The following CSMD1 variants were observed in gnomAD, a reference collection of about 807,000 sequenced individuals.
CSMD1 encodes the protein CUB and Sushi multiple domains 1.
A neutral mutation model predicts 417.5 loss-of-function variants in CSMD1; 213 were observed. The ratio of observed to expected loss-of-function variants is 0.51; its 90% confidence interval spans 0.46 to 0.57. The LOEUF (loss-of-function observed/expected upper bound fraction) is 0.57, where lower values mean the gene tolerates loss of function less well. Among genes scored for constraint, CSMD1 ranks in the 20% least tolerant of loss-of-function variants. The probability of loss-of-function intolerance (pLI) is 0.00; values close to 1 mark genes in which losing one functional copy is unlikely to be tolerated. For missense variants in CSMD1, 6,923 were observed against 4,529.7 expected, an observed-to-expected ratio of 1.53 and a Z score of -15.17; for synonymous variants, 2,862 against 1,736.8, an observed-to-expected ratio of 1.65 and a Z score of -16.11.
intron 3 of CSMD1, among the ~76,000 whole-genome samples, chr8:4,047,047 C>A (rs1430696302): frequency 1.3e-5 from 2 of 152,104 alleles, no homozygotes; most frequent in Non-Finnish European, 2.9e-5. Flanking sequence ...CACCTGGAGT[C>A]CAAATGAATA....
chr8:4,710,646 C>T (rs1808228020), intron 1 of CSMD1, among the ~76,000 whole-genome samples: 2 of 151,154 alleles, frequency 1.3e-5, no homozygotes, highest in African/African-American at 2.4e-5. Flanking sequence ...GAGATGGAGA[C>T]CACCCTGGCT....
intron 5 of CSMD1, among the ~76,000 whole-genome samples, chr8:3,972,975 T>C (rs1355375563): frequency 1.3e-5 from 2 of 152,242 alleles, no homozygotes; most frequent in East Asian, 3.8e-4. Context: ...AATACTTATG[T>C]GGAAAAACAT....
In CSMD1 at chr8:4,140,373, C is replaced by T. The variant is rs545638166; in HGVS notation, c.416-108274G>A. Among the ~76,000 whole-genome samples, 337 of 151,074 alleles carry T rather than the reference C, an allele frequency of 2.2e-3. 3 individuals carry two copies. Among genetic ancestry groups the T allele is most frequent in the Non-Finnish European group, 3.8e-3 (260 of 68,018 alleles). On this transcript the variant is annotated intron_variant, in intron 3 of 69. Coordinates refer to ENST00000635120, the MANE Select transcript of CSMD1 (RefSeq NM_033225.6). ...ATTAGCTGGGAATGGTGGCACATGC[C>T]TGTAATCCCAGCTACTTCGGAGCCT...
intron 5 of CSMD1, among the ~76,000 whole-genome samples, chr8:3,900,499 G>A (rs1056290018): frequency 1.3e-5 from 2 of 151,656 alleles, no homozygotes; most frequent in African/African-American, 2.4e-5. Context: ...GTGTAGCTGG[G>A]TGACAGTAGA....
At chr8:4,534,652 G>A (rs1797008538) in intron 2 of CSMD1, among the ~76,000 whole-genome samples, 1 of 152,042 alleles carries the variant, frequency 6.6e-6, no homozygotes. Context: ...TGTGTGCTCA[G>A]TGTTTAGTTC....
intron 2 of CSMD1, among the ~76,000 whole-genome samples, chr8:4,583,222 C>T (rs1013007847): frequency 7.9e-5 from 12 of 152,234 alleles, no homozygotes; most frequent in Non-Finnish European, 1.8e-4. Flanking sequence ...GGGCACACGG[C>T]ACAGGGACTG....
At chr8:3,725,050 G>A (rs1034397651) in intron 6 of CSMD1, among the ~76,000 whole-genome samples, 5 of 152,160 alleles carry the variant, frequency 3.3e-5, no homozygotes, top group Non-Finnish European at 5.9e-5. Context: ...CTCTCCAGAC[G>A]ACTAGAGGAG....
intron 3 of CSMD1, among the ~76,000 whole-genome samples, chr8:4,246,162 C>T (rs571708291): frequency 6.6e-6 from 1 of 152,036 alleles, no homozygotes; most frequent in Non-Finnish European, 1.5e-5. Context: ...TTCCTGATCC[C>T]CTCTTTCTTC....
chr8:3,138,372 G>C (rs1405820779), intron 41 of CSMD1, among the ~76,000 whole-genome samples: 1 of 152,144 alleles, frequency 6.6e-6, no homozygotes, highest in Non-Finnish European at 1.5e-5. Flanking sequence ...ACTAAATTTT[G>C]GCTCTTCAGG....
intron 5 of CSMD1, among the ~76,000 whole-genome samples, chr8:3,911,242 C>T (rs1808442164): frequency 1.3e-5 from 2 of 152,110 alleles, no homozygotes; most frequent in African/African-American, 4.8e-5. Flanking sequence ...AAAATCAAAT[C>T]ACATCATTCT....
rs181600389 is a variant in CSMD1, at chr8:3,720,947, C to T, written c.932-12456G>A. ...TCTCCTGCCTCAGCCTCCCAACTAGCTGGGATTACAGGCACCCACCACTAC... is the reference window on the plus strand; with the variant it reads ...TCTCCTGCCTCAGCCTCCCAACTAGTTGGGATTACAGGCACCCACCACTAC... On this transcript the variant is annotated intron_variant, in intron 6 of 69. Transcript: ENST00000635120. 6.7e-3 allele frequency among the ~76,000 whole-genome samples: 1,025 copies of T among 152,132 alleles called. 6 individuals carry two copies. Among genetic ancestry groups the T allele is most frequent in the Non-Finnish European group, 0.011 (734 of 68,012 alleles).
intron 3 of CSMD1, among the ~76,000 whole-genome samples, chr8:4,073,885 C>A (rs1202335019): frequency 6.6e-6 from 1 of 152,058 alleles, no homozygotes; most frequent in Non-Finnish European, 1.5e-5. Context: ...AATAACTAGT[C>A]TACAGCTATA....
At chr8:3,694,484 A>G (rs1316390876) in intron 7 of CSMD1, among the ~76,000 whole-genome samples, 1 of 152,094 alleles carries the variant, frequency 6.6e-6, no homozygotes, top group East Asian at 1.9e-4. Context: ...CGAAAACACC[A>G]TCTGGGAAAG....
At chr8:3,706,033 G>C (rs75227465) in intron 7 of CSMD1, among the ~76,000 whole-genome samples, 1 of 152,200 alleles carries the variant, frequency 6.6e-6, no homozygotes, top group Non-Finnish European at 1.5e-5. Context: ...AAGAGGAAAC[G>C]GGGCTCATGG....
At chr8:3,614,826 T>G (rs1323616233) in intron 8 of CSMD1, among the ~76,000 whole-genome samples, 1 of 152,162 alleles carries the variant, frequency 6.6e-6, no homozygotes, top group African/African-American at 2.4e-5. Flanking sequence ...TGGAGACGCT[T>G]AAGACAGGTG....
intron 1 of CSMD1, among the ~76,000 whole-genome samples, chr8:4,874,266 C>A (rs142160491): frequency 2.2e-4 from 33 of 152,056 alleles, no homozygotes; most frequent in African/African-American, 7.5e-4. Flanking sequence ...TGGGATACTG[C>A]CTAAAATCGC....
At chr8:3,845,397 G>T (rs139707156) in intron 5 of CSMD1, among the ~76,000 whole-genome samples, 92 of 152,236 alleles carry the variant, frequency 6.0e-4, no homozygotes, top group African/African-American at 2.1e-3. Flanking sequence ...AATACTGAAG[G>T]CAATGGTTAC....
intron 5 of CSMD1, among the ~76,000 whole-genome samples, chr8:3,891,208 G>C (rs188795282): frequency 6.6e-6 from 1 of 151,832 alleles, no homozygotes; most frequent in East Asian, 1.9e-4. Flanking sequence ...ATCATGCCTG[G>C]CTAATATTTG....
chr8:4,131,351 C>G (rs1803091104), intron 3 of CSMD1, among the ~76,000 whole-genome samples: 1 of 152,130 alleles, frequency 6.6e-6, no homozygotes, highest in African/African-American at 2.4e-5. Flanking sequence ...TTGGTGACAC[C>G]TACACGCTCC....
Sources: allele counts gnomAD v4.1 joint callset (sites outside exome capture counted in the v4.1 genomes callset), GRCh38; gene constraint gnomAD v4.1.1; transcripts MANE v1.5; gene names NCBI Gene and HGNC (gene_info 2026-07-23, HGNC 2026-07-21).